The following CHSY3 variants were observed in gnomAD, a reference collection of about 807,000 sequenced individuals.
CHSY3 encodes the protein chondroitin sulfate synthase 3.
CHSY3 carries 35 observed loss-of-function variants against 67.2 expected under a neutral mutation model. The ratio of observed to expected loss-of-function variants is 0.52; its 90% CI spans 0.40 to 0.69. The LOEUF is 0.69. Ranked by LOEUF, CHSY3 falls within the 30% of genes least tolerant of loss-of-function variation. The pLI is 0.00. For missense variants in CHSY3, 1,069 were observed against 1,138.5 expected (o/e 0.94, Z 0.88); for synonymous variants, 474 against 434.7 (o/e 1.09, Z -1.12).
intron 2 of CHSY3, among the ~76,000 whole-genome samples, chr5:129,966,952 C>T (rs1441554362): frequency 6.6e-6 from 1 of 151,708 alleles, no homozygotes; most frequent in Non-Finnish European, 1.5e-5. Flanking sequence ...TGTAGGGTCT[C>T]AACGTGTCTA....
intron 2 of CHSY3, among the ~76,000 whole-genome samples, chr5:130,083,777 T>C (rs1766516498): frequency 1.3e-5 from 2 of 152,040 alleles, no homozygotes; most frequent in African/African-American, 2.4e-5. Flanking sequence ...TCAGGGTCAT[T>C]ATCATAAACA....
In CHSY3 at chr5:129,919,369, C is replaced by G. The variant is rs1167496060; in HGVS notation, c.1086+11009C>G. On this transcript the variant is annotated intron_variant, in intron 2 of 2. Transcript: ENST00000305031. ...TATCTATAAGATGTTGTCAACTAAT[C>G]AGTTGCACTCAGTGGACATAGTTGG... Among the ~76,000 whole-genome samples the G allele has an allele frequency of 2.0e-5, 3 of 152,142 alleles. No individual in the cohort carries two copies. The East Asian group carries it at 5.8e-4, about 29-fold the overall frequency.
intron 2 of CHSY3, among the ~76,000 whole-genome samples, chr5:130,176,457 T>C (rs7734368): frequency 0.86 from 131,190 of 152,062 alleles, 57,283 homozygotes; most frequent in East Asian, 0.99. Context: ...TTCCTCAAGG[T>C]TCTAGAACCA....
intron 2 of CHSY3, among the ~76,000 whole-genome samples, chr5:130,055,476 G>A (rs1363955175): frequency 2.0e-5 from 3 of 152,032 alleles, no homozygotes; most frequent in Non-Finnish European, 4.4e-5. Flanking sequence ...GAAACAAGTG[G>A]AAAATATTTT....
At chr5:130,116,740 G>T (rs1767817811) in intron 2 of CHSY3, among the ~76,000 whole-genome samples, 1 of 152,198 alleles carries the variant, frequency 6.6e-6, no homozygotes, top group Non-Finnish European at 1.5e-5. Context: ...CCTGAAGGCA[G>T]TATCAGCAAG....
intron 2 of CHSY3, among the ~76,000 whole-genome samples, chr5:129,963,181 C>T (rs1762382740): frequency 6.6e-6 from 1 of 151,814 alleles, no homozygotes; most frequent in African/African-American, 2.4e-5. Context: ...GATGTGTACA[C>T]TGTTTTATTT....
intron 2 of CHSY3, among the ~76,000 whole-genome samples, chr5:129,929,154 A>G (rs1761215028): frequency 6.6e-6 from 1 of 152,226 alleles, no homozygotes; most frequent in Non-Finnish European, 1.5e-5. Context: ...CAAAGGTCAG[A>G]CAGTAAAGGC....
At chr5:130,020,671 A>G (rs1449382569) in intron 2 of CHSY3, among the ~76,000 whole-genome samples, 1 of 151,826 alleles carries the variant, frequency 6.6e-6, no homozygotes, top group African/African-American at 2.4e-5. Flanking sequence ...CCAGACATTC[A>G]GAATCAGAGG....
At chr5:130,097,261 G>A (rs1345012232) in intron 2 of CHSY3, among the ~76,000 whole-genome samples, 1 of 152,206 alleles carries the variant, frequency 6.6e-6, no homozygotes, top group Non-Finnish European at 1.5e-5. Context: ...TCCGAAACCA[G>A]GCATTAGATA....
intron 2 of CHSY3, among the ~76,000 whole-genome samples, chr5:129,984,255 A>G (rs944784617): frequency 6.6e-5 from 10 of 152,034 alleles, no homozygotes; most frequent in Non-Finnish European, 1.5e-4. Flanking sequence ...TGTTTAGCTC[A>G]CACTTATTAG....
At chr5:130,133,771 T>TAAAA in intron 2 of CHSY3, among the ~76,000 whole-genome samples, 1 of 58,114 alleles carries the variant, frequency 1.7e-5, no homozygotes, top group African/African-American at 7.6e-5. Context: ...GACTCCGTCT[T>TAAAA]AAAAAAAAAA....
chr5:130,031,108 ATAAATAAG>A (rs1023587864), intron 2 of CHSY3, among the ~76,000 whole-genome samples: 175 of 152,088 alleles, frequency 1.2e-3, no homozygotes, highest in African/African-American at 4.0e-3. Context: ...TGAAAAATAA[ATAAATAAG>A]TAAATAAATA....
At chr5:130,133,623 T>G (rs968765773) in intron 2 of CHSY3, among the ~76,000 whole-genome samples, 85 of 151,514 alleles carry the variant, frequency 5.6e-4, no homozygotes, top group African/African-American at 2.0e-3. Flanking sequence ...TATACAAAAA[T>G]TAGCTGGGTG....
At chr5:130,046,470 G>T (rs1468763010) in intron 2 of CHSY3, among the ~76,000 whole-genome samples, 1 of 152,060 alleles carries the variant, frequency 6.6e-6, no homozygotes, top group Non-Finnish European at 1.5e-5. Flanking sequence ...TAGGCTAATG[G>T]ATTTCATCTT....
chr5:130,064,338 G>GC (rs1765813512), intron 2 of CHSY3, among the ~76,000 whole-genome samples: 1 of 151,986 alleles, frequency 6.6e-6, no homozygotes. Context: ...CATTTTACAC[G>GC]GAAAAATTGA....
intron 2 of CHSY3, among the ~76,000 whole-genome samples, chr5:130,156,328 G>A (rs981947657): frequency 1.3e-5 from 2 of 152,162 alleles, no homozygotes; most frequent in Admixed American, 6.5e-5. Context: ...TTTGTGCAAG[G>A]CATTTCATCA....
intron 2 of CHSY3, among the ~76,000 whole-genome samples, chr5:130,047,554 C>T (rs1207339885): frequency 1.3e-5 from 2 of 152,024 alleles, no homozygotes; most frequent in African/African-American, 4.8e-5. Flanking sequence ...TTTCCTGGAC[C>T]AGATTTCTCC....
At chr5:130,063,774 C>A (rs1765789285) in intron 2 of CHSY3, among the ~76,000 whole-genome samples, 1 of 152,034 alleles carries the variant, frequency 6.6e-6, no homozygotes. Context: ...CCTCACCTGG[C>A]AGAAGATGGA....
intron 2 of CHSY3, among the ~76,000 whole-genome samples, chr5:129,920,228 A>G (rs563729362): frequency 1.3e-5 from 2 of 152,216 alleles, no homozygotes; most frequent in South Asian, 4.1e-4. Flanking sequence ...CACAAGGAAT[A>G]GGTTTCTTTT....
Sources: gnomAD v4.1 joint callset for allele counts (sites outside exome capture counted in the v4.1 genomes callset) on GRCh38, gnomAD v4.1.1 for gene constraint, MANE v1.5 for transcripts, NCBI Gene and HGNC (gene_info 2026-07-23, HGNC 2026-07-21) for gene names.